Variants in COP1 observed in about 807,000 individuals in gnomAD.
COP1 encodes COP1 E3 ubiquitin ligase.
A neutral mutation model predicts 101.3 loss-of-function variants in COP1; 24 were observed. The ratio of observed to expected loss-of-function variants is 0.24; its 90% CI spans 0.17 to 0.33. The LOEUF (loss-of-function observed/expected upper bound fraction) is 0.33. Among genes scored for constraint, COP1 ranks in the 10% least tolerant of loss-of-function variants. The probability of loss-of-function intolerance (pLI) is 1.00; values close to 1 mark genes in which losing one functional copy is unlikely to be tolerated. For synonymous variants in COP1, 347 were observed against 341.9 expected, an observed-to-expected ratio of 1.01 and a Z score of -0.17; for missense variants, 663 against 906.2, an observed-to-expected ratio of 0.73 and a Z score of 3.45.
chr1:176,160,948 A>G (rs952883290), intron 5 of COP1, among the ~76,000 whole-genome samples: 2 of 152,206 alleles, frequency 1.3e-5, no homozygotes, highest in African/African-American at 4.8e-5. Context: ...TAGTTATATA[A>G]GAAGGAATCA....
intron 11 of COP1, among the ~76,000 whole-genome samples, chr1:176,059,233 T>A (rs1298936276): frequency 1.3e-5 from 2 of 152,222 alleles, no homozygotes; most frequent in East Asian, 3.8e-4. Context: ...GTGTATTCTG[T>A]ATGAAACTTG....
chr1:176,093,612 G>A (rs1345014195), intron 9 of COP1, among the ~76,000 whole-genome samples: 1 of 152,032 alleles, frequency 6.6e-6, no homozygotes, highest in Non-Finnish European at 1.5e-5. Context: ...GGCCGAGGTG[G>A]GCAGATCACG....
intron 17 of COP1, among the ~76,000 whole-genome samples, chr1:175,987,985 T>C (rs1280618689): frequency 6.6e-6 from 1 of 152,186 alleles, no homozygotes; most frequent in Admixed American, 6.5e-5. Flanking sequence ...AACTTAACCT[T>C]TTCTGTCTTC....
intron 3 of COP1, among the ~76,000 whole-genome samples, chr1:176,173,453 T>C (rs1234889872): frequency 6.8e-6 from 1 of 146,748 alleles, no homozygotes; most frequent in Non-Finnish European, 1.5e-5. Context: ...CTGGAAAACA[T>C]AGTGAGACCT....
At position 176,008,806 on chromosome 1, in the gene COP1, A is replaced by C. The variant is rs543119244; in HGVS notation, c.1729+18766T>G. Among the ~76,000 whole-genome samples, 25 of 152,226 alleles carry C rather than the reference A, an allele frequency of 1.6e-4. 1 individual carries two copies. The highest frequency in any genetic ancestry group is 1.4e-3 in the Admixed American group (22 of 15,274). ...CTGTTCAGCCTGTAATTCCTACTGC[A>C]TGGAGCCACTGACATCTTTAATGAG... On this transcript the variant is annotated intron_variant, in intron 15 of 19. Transcript: ENST00000367669.
At chr1:176,192,631 A>G (rs1362212022) in intron 1 of COP1, among the ~76,000 whole-genome samples, 1 of 152,150 alleles carries the variant, frequency 6.6e-6, no homozygotes, top group Admixed American at 6.5e-5. Context: ...ATTTCAGAAG[A>G]GTACCCAATC....
chr1:176,180,881 T>C (rs1360150710), intron 2 of COP1, among the ~76,000 whole-genome samples: 1 of 152,136 alleles, frequency 6.6e-6, no homozygotes, highest in African/African-American at 2.4e-5. Context: ...AAAAGGCAAT[T>C]TGACACTCAG....
At chr1:176,037,428 A>T (rs1306296430) in intron 14 of COP1, among the ~76,000 whole-genome samples, 3 of 151,850 alleles carry the variant, frequency 2.0e-5, no homozygotes, top group Admixed American at 6.6e-5. Flanking sequence ...GTATAAGAAA[A>T]AAAAAAACAC....
intron 11 of COP1, among the ~76,000 whole-genome samples, chr1:176,049,089 G>A (rs1218666765): frequency 6.7e-6 from 1 of 150,332 alleles, no homozygotes; most frequent in Non-Finnish European, 1.5e-5. Context: ...GGAGAATGGC[G>A]TGAACCCAGG....
At chr1:176,170,255 G>A (rs187765632) in intron 3 of COP1, among the ~76,000 whole-genome samples, 1 of 152,162 alleles carries the variant, frequency 6.6e-6, no homozygotes, top group African/African-American at 2.4e-5. Flanking sequence ...CATGAAACAT[G>A]AGTGTTCTTA....
intron 18 of COP1, among the ~76,000 whole-genome samples, chr1:175,982,809 G>A (rs1006431028): frequency 6.6e-6 from 1 of 152,060 alleles, no homozygotes; most frequent in African/African-American, 2.4e-5. Flanking sequence ...TCATTTATAC[G>A]TGTAATCTTA....
intron 15 of COP1, among the ~76,000 whole-genome samples, chr1:176,020,518 A>G (rs1666580786): frequency 1.3e-5 from 2 of 151,860 alleles, no homozygotes; most frequent in African/African-American, 4.8e-5. Flanking sequence ...ATCTCTGCAA[A>G]ACTAGAAAGA....
intron 18 of COP1, among the ~76,000 whole-genome samples, chr1:175,958,496 G>T (rs948715121): frequency 1.3e-5 from 2 of 151,740 alleles, no homozygotes; most frequent in African/African-American, 4.8e-5. Flanking sequence ...CAATATAGAT[G>T]GTTTTATATA....
chr1:176,025,551 GA>G (rs1352417628), intron 15 of COP1, among the ~76,000 whole-genome samples: 2 of 149,634 alleles, frequency 1.3e-5, no homozygotes, highest in African/African-American at 4.9e-5. Context: ...AAATTGACCA[GA>G]AAAGTCCAGA....
At chr1:176,074,993 C>A (rs1018045178) in intron 11 of COP1, among the ~76,000 whole-genome samples, 42 of 152,038 alleles carry the variant, frequency 2.8e-4, no homozygotes, top group Non-Finnish European at 8.8e-5. Context: ...ATATGTTGCT[C>A]CAAAGTAAAC....
At chr1:175,971,302 T>C (rs2148607624) in intron 18 of COP1, among the ~76,000 whole-genome samples, 1 of 152,338 alleles carries the variant, frequency 6.6e-6, no homozygotes. Context: ...TGTTATATTT[T>C]GAGTCTTACA....
intron 8 of COP1, among the ~76,000 whole-genome samples, chr1:176,126,256 T>C (rs1687969449): frequency 2.6e-5 from 4 of 152,338 alleles, no homozygotes; most frequent in South Asian, 2.1e-4. Flanking sequence ...TAGTACTACG[T>C]TGAGTAACAT....
At chr1:176,185,441 T>C (rs1290344562) in intron 1 of COP1, among the ~76,000 whole-genome samples, 1 of 152,152 alleles carries the variant, frequency 6.6e-6, no homozygotes, top group African/African-American at 2.4e-5. Context: ...CTGCCCTCTT[T>C]CCCTATAAAG....
chr1:176,024,201 G>C (rs1490323970), intron 15 of COP1, among the ~76,000 whole-genome samples: 2 of 152,222 alleles, frequency 1.3e-5, no homozygotes, highest in African/African-American at 4.8e-5. Flanking sequence ...AGAGGTTGCA[G>C]TGAGCCAATA....
Sources: gnomAD v4.1 joint callset for allele counts (sites outside exome capture counted in the v4.1 genomes callset) on GRCh38, gnomAD v4.1.1 for gene constraint, MANE v1.5 for transcripts, NCBI Gene and HGNC (gene_info 2026-07-23, HGNC 2026-07-21) for gene names.